The following MGA variants were observed in gnomAD, a reference collection of about 807,000 sequenced individuals.
The protein encoded by MGA is MAX gene-associated protein.
A neutral mutation model predicts 261.1 loss-of-function variants in MGA; 40 were observed. That is an observed-to-expected ratio of 0.15 (90% CI 0.12 to 0.20). The LOEUF (loss-of-function observed/expected upper bound fraction) is 0.20. Ranked by LOEUF, MGA falls within the 10% of genes least tolerant of loss-of-function variation. MGA has a pLI of 1.00. For missense variants in MGA, 3,397 were observed against 3,630.5 expected, an observed-to-expected ratio of 0.94 and a Z score of 1.65; for synonymous variants, 1,302 against 1,290.6, an observed-to-expected ratio of 1.01 and a Z score of -0.19.
Position 41,748,673 on chromosome 15 carries a change from T to A in MGA, c.5249T>A (p.Val1750Asp). 2 of 1,613,648 alleles carry A rather than the reference T, an allele frequency of 1.2e-6. No homozygotes were observed. The highest frequency in any genetic ancestry group is 1.7e-6 in the Non-Finnish European group (2 of 1,179,722). Reference sequence around the variant, plus strand: ...CAAATTCCAGTGGCTACTCCACAGGTCTCTCCTAACACAGTGAAACGTGCT... The same window carrying A: ...CAAATTCCAGTGGCTACTCCACAGGACTCTCCTAACACAGTGAAACGTGCT... Residue 1750 changes from valine to aspartate, a missense_variant, in exon 16 of 24, where the codon GTC becomes GAC. Physicochemically the swap from Val to Asp is radical, Grantham distance 152. This residue lies in a region of MGA where 1,410 missense variants were observed against 1,386.4 expected (regional missense o/e 1.02). Coordinates refer to ENST00000219905, the MANE Select transcript of MGA (RefSeq NM_001164273.2).
rs775303886 is a variant in MGA at position 41,767,308 on chromosome 15, G to A, written c.*28G>A. On this transcript the variant is annotated 3_prime_UTR_variant, in exon 24 of 24. Transcript: ENST00000219905. The stretch of plus-strand genomic sequence containing the variant: ...TTACTTGTCCTTAAGCAGAAGCCAG[G>A]CTGTGAGGGGAAATAGATCTCACCT... 4 of 1,571,286 alleles carry A rather than the reference G, an allele frequency of 2.5e-6. No homozygotes were observed. The highest frequency in any genetic ancestry group is 3.5e-6 in the Non-Finnish European group (4 of 1,158,024).
chr15:41,729,160 A>G lies in MGA; in HGVS notation c.3658-4A>G. On this transcript the variant is annotated splice_polypyrimidine_tract_variant and splice_region_variant and intron_variant, in intron 10 of 23. Coordinates refer to ENST00000219905, the MANE Select transcript of MGA (RefSeq NM_001164273.2). Reference sequence around the variant, plus strand: ...TGGAATATTTTGTTGTATGAAATTTACAGATTCGGGAAGAGGACAAAGATC... The same window carrying G: ...TGGAATATTTTGTTGTATGAAATTTGCAGATTCGGGAAGAGGACAAAGATC... 6 of 1,612,516 alleles carry G rather than the reference A, an allele frequency of 3.7e-6. No homozygotes were observed. Among genetic ancestry groups the G allele is most frequent in the Non-Finnish European group, 5.1e-6 (6 of 1,179,256 alleles).
intron 1 of MGA, among the ~76,000 whole-genome samples, chr15:41,653,657 G>C (rs536528851): frequency 2.0e-5 from 3 of 148,648 alleles, no homozygotes; most frequent in African/African-American, 7.5e-5. Context: ...GCAGTGAGCC[G>C]TGATCATACC....
At chr15:41,738,577 C>T (rs181548094) in intron 13 of MGA, among the ~76,000 whole-genome samples, 1 of 152,134 alleles carries the variant, frequency 6.6e-6, no homozygotes, top group East Asian at 1.9e-4. Context: ...TTGCCTGATA[C>T]AATTTCTAGT....
Position 41,749,478 on chromosome 15 carries a change from C to T in MGA, c.5871C>T (p.Ser1957=), listed in dbSNP as rs1403601654. Residue 1957 remains serine, a synonymous_variant, in exon 17 of 24, where the codon AGC becomes AGT. Coordinates refer to ENST00000219905, the MANE Select transcript of MGA (RefSeq NM_001164273.2). ...TCCCAGGACAAAAGCCTGTTCCTAG[C>T]TCCATTCTTCAGCATGTTGCTTCCC... 6.2e-7 allele frequency: 1 copy of T among 1,613,980 alleles called. No individual in the cohort carries two copies. Among genetic ancestry groups the T allele is most frequent in the East Asian group, 2.2e-5 (1 of 44,896 alleles).
intron 2 of MGA, among the ~76,000 whole-genome samples, chr15:41,674,042 C>G (rs142353274): frequency 0.014 from 2,152 of 152,208 alleles, 19 homozygotes; most frequent in Non-Finnish European, 0.022. Context: ...CAGGCACATG[C>G]TACCACACCC....
intron 1 of MGA, among the ~76,000 whole-genome samples, chr15:41,660,802 A>G (rs1444086250): frequency 6.6e-6 from 1 of 152,158 alleles, no homozygotes. Flanking sequence ...GAGAGCGGCC[A>G]CGAGGCGGGA....
intron 1 of MGA, among the ~76,000 whole-genome samples, chr15:41,661,609 A>G (rs551392758): frequency 5.3e-5 from 8 of 152,242 alleles, no homozygotes; most frequent in Admixed American, 3.9e-4. Context: ...TATTGGGAAG[A>G]TAACTTTCCC....
chr15:41,648,013 C>T (rs2056968637), intron 1 of MGA, among the ~76,000 whole-genome samples: 2 of 152,150 alleles, frequency 1.3e-5, no homozygotes, highest in Admixed American at 6.6e-5. Context: ...TGTCCAGAAT[C>T]GACACTATCA....
intron 1 of MGA, among the ~76,000 whole-genome samples, chr15:41,652,768 T>C (rs1769118447): frequency 6.6e-6 from 1 of 152,152 alleles, no homozygotes; most frequent in African/African-American, 2.4e-5. Context: ...TTTGAGGGGA[T>C]TTGTTTTTAT....
At chr15:41,659,261 A>C (rs1175250249), upstream of MGA, among the ~76,000 whole-genome samples, 1 of 152,348 alleles carries the variant, frequency 6.6e-6, no homozygotes, top group South Asian at 2.1e-4. Context: ...GTGTAGAGAA[A>C]TATGACCTTC....
rs779780277 is a variant in MGA, at chr15:41,669,497, G to A, written c.603G>A (p.Leu201=). The A allele has an allele frequency of 2.5e-6, 4 of 1,613,992 alleles. No individual in the cohort carries two copies. Among genetic ancestry groups the A allele is most frequent in the Middle Eastern group, 1.6e-4 (1 of 6,062 alleles). ...TCTTGCACTCTATGCATCGTTACCTGCCGAGGCTTCATTTGGTGCCTGCAG... is the reference window on the plus strand; with the variant it reads ...TCTTGCACTCTATGCATCGTTACCTACCGAGGCTTCATTTGGTGCCTGCAG... The change falls in exon 2 of 24, where the codon CTG becomes CTA. Residue 201 remains leucine, a synonymous_variant. Transcript: ENST00000219905.
At position 41,713,757 on chromosome 15, in the gene MGA, C is replaced by A. The variant is rs568012094; in HGVS notation, c.3430+261C>A. Among the ~76,000 whole-genome samples, 6 of 152,204 alleles carry A rather than the reference C, an allele frequency of 3.9e-5. No homozygotes were observed. The South Asian group carries it at 6.2e-4, about 16-fold the overall frequency. ...CTGTTACTTGGTTTTCTAGAATGCCCTTGATCTTTGAGTTTCTTCCATTTT... is the reference window on the plus strand; with the variant it reads ...CTGTTACTTGGTTTTCTAGAATGCCATTGATCTTTGAGTTTCTTCCATTTT... On this transcript the variant is annotated intron_variant, in intron 9 of 23. Transcript: ENST00000219905.
rs2057313862 is a variant in MGA at position 41,660,441 on chromosome 15, G to A, written c.-152G>A. On this transcript the variant is annotated 5_prime_UTR_variant, in exon 1 of 24. Coordinates refer to ENST00000219905, the MANE Select transcript of MGA (RefSeq NM_001164273.2). ...GCGCGCAGGCTCTTCAGCTGGAGCG[G>A]ACACACGGTGTGCGAACCGAACAGA... 2.6e-5 allele frequency: 4 copies of A among 152,634 alleles called. No homozygotes were observed. The highest frequency in any genetic ancestry group is 9.7e-5 in the African/African-American group (4 of 41,446). The allele number at this position is 152,634 out of a possible 1,614,324, so 9.5% of individuals were successfully genotyped here. A position where few individuals can be genotyped will look rare whatever the true frequency, so the allele number is the denominator to read the frequency against.
chr15:41,689,980 G>GT (rs1233448159), intron 2 of MGA, among the ~76,000 whole-genome samples: 1 of 152,122 alleles, frequency 6.6e-6, no homozygotes, highest in South Asian at 2.1e-4. Flanking sequence ...GAGTTCAATG[G>GT]TTTTTAATAT....
Position 41,669,254 on chromosome 15 carries a change from G to T in MGA, c.360G>T (p.Lys120Asn). 1 of 1,613,988 alleles carries T rather than the reference G, an allele frequency of 6.2e-7. No homozygotes were observed. Among genetic ancestry groups the T allele is most frequent in the Non-Finnish European group, 8.5e-7 (1 of 1,179,880 alleles). ...TAACAGGTTTAGATTCAAATTTGAA[G>T]TATATTCTTGTCATGGATATATCTC... Residue 120 changes from lysine (K) to asparagine (N), a missense_variant, in exon 2 of 24, where the codon AAG becomes AAT. By Grantham distance (94) the Lys-to-Asn change is moderately conservative. This residue lies in a region of MGA where 104 missense variants were observed against 212.9 expected (regional missense o/e 0.49). Coordinates refer to ENST00000219905, the MANE Select transcript of MGA (RefSeq NM_001164273.2).
intron 2 of MGA, among the ~76,000 whole-genome samples, chr15:41,674,777 CAA>C (rs1181019367): frequency 6.6e-6 from 1 of 152,232 alleles, no homozygotes; most frequent in Non-Finnish European, 1.5e-5. Flanking sequence ...CTTGGCCTCC[CAA>C]AGTGTTGGGA....
At chr15:41,639,710 A>G (rs974288741) in intron 1 of MGA, among the ~76,000 whole-genome samples, 5 of 151,696 alleles carry the variant, frequency 3.3e-5, no homozygotes, top group Non-Finnish European at 5.9e-5. Context: ...ACGCCCAGCT[A>G]ATTTTTTTTT....
At chr15:41,723,864 T>C (rs1197357483) in intron 9 of MGA, among the ~76,000 whole-genome samples, 7 of 152,226 alleles carry the variant, frequency 4.6e-5, no homozygotes, top group Non-Finnish European at 8.8e-5. Context: ...GGTGACAGAT[T>C]AACCATTTCC....
Sources: gnomAD v4.1 joint callset for allele counts (sites outside exome capture counted in the v4.1 genomes callset) on GRCh38, gnomAD v4.1.1 for gene constraint, gnomAD v4.1.1 regional missense constraint, MANE v1.5 for transcripts, NCBI Gene and HGNC (gene_info 2026-07-23, HGNC 2026-07-21) for gene names.